Variants in FIG4 observed in about 807,000 individuals in gnomAD.
The protein encoded by FIG4 is FIG4 phosphoinositide 5-phosphatase.
FIG4 carries 112 observed loss-of-function variants against 118.6 expected under a neutral mutation model. The ratio of observed to expected loss-of-function variants is 0.94; its 90% CI spans 0.81 to 1.11. FIG4 has a LOEUF of 1.11. Among genes scored for constraint, FIG4 ranks in the 50% least tolerant of loss-of-function variants. FIG4 has a pLI of 0.00. For missense variants in FIG4, 969 were observed against 1,111.7 expected (o/e 0.87, Z 1.83); for synonymous variants, 369 against 381.2 (o/e 0.97, Z 0.37).
chr6:109,746,170 T>G (rs919182613), intron 10 of FIG4, among the ~76,000 whole-genome samples: 6 of 152,056 alleles, frequency 3.9e-5, no homozygotes, highest in Non-Finnish European at 7.4e-5. Context: ...AATAAATGGT[T>G]TTGGGAAAAC....
chr6:109,824,938 C>G (rs756427243), intron 22 of FIG4, 150 bp from the exon 23 acceptor site: 1 of 709,806 alleles, frequency 1.4e-6, no homozygotes, highest in Non-Finnish European at 2.5e-6. Context: ...GAACCAGCCT[C>G]GCAAGGACTG....
At chr6:109,751,835 CT>C (rs1219269078) in intron 10 of FIG4, among the ~76,000 whole-genome samples, 97 of 139,492 alleles carry the variant, frequency 7.0e-4, no homozygotes, top group South Asian at 6.7e-4. Context: ...TATTTTTTTT[CT>C]TTTTTTTTAT....
intron 1 of FIG4, among the ~76,000 whole-genome samples, chr6:109,704,651 G>T (rs112885933): frequency 7.3e-6 from 1 of 137,874 alleles, no homozygotes; most frequent in East Asian, 2.1e-4. Flanking sequence ...ACTCCAGCCT[G>T]GGTGACAGAG....
At chr6:109,764,936 T>TGTTTTTG in intron 13 of FIG4, 77 bp from the exon 14 acceptor site, 47 of 1,376,908 alleles carry the variant, frequency 3.4e-5, no homozygotes, top group Non-Finnish European at 4.5e-5. Flanking sequence ...TTTTTGTTTC[T>TGTTTTTG]TAAAGAAATC....
chr6:109,795,380 G>A (rs1778256960), intron 21 of FIG4, among the ~76,000 whole-genome samples: 1 of 151,882 alleles, frequency 6.6e-6, no homozygotes, highest in African/African-American at 2.4e-5. Context: ...TTTACTTGCT[G>A]AAGATATAAA....
At chr6:109,701,807 G>GATT (rs1410890484) in intron 1 of FIG4, 4 of 464,122 alleles carry the variant, frequency 8.6e-6, no homozygotes, top group Non-Finnish European at 1.3e-5. Context: ...GTTGACTAAG[G>GATT]ATTGGAAAAG....
chr6:109,743,832 A>C, intron 10 of FIG4, 60 bp downstream of exon 10: 1 of 1,173,222 alleles, frequency 8.5e-7, no homozygotes, highest in Admixed American at 1.7e-5. Flanking sequence ...CCTCTTCCTC[A>C]ACACAGAGGG....
At chr6:109,704,218 A>G (rs188256706) in intron 1 of FIG4, among the ~76,000 whole-genome samples, 230 of 152,360 alleles carry the variant, frequency 1.5e-3, no homozygotes, top group Non-Finnish European at 2.7e-3. Flanking sequence ...CCCATCTACC[A>G]GTAAGTTATA....
chr6:109,756,470 C>G (rs937114676), intron 10 of FIG4, among the ~76,000 whole-genome samples: 2 of 151,852 alleles, frequency 1.3e-5, no homozygotes, highest in African/African-American at 4.8e-5. Context: ...TTTCCTGAAT[C>G]TGAATGTTGG....
At chr6:109,714,991 G>A (rs1775382989) in intron 1 of FIG4, 87 bp from the exon 2 acceptor site, 13 of 694,918 alleles carry the variant, frequency 1.9e-5, no homozygotes, top group Non-Finnish European at 5.1e-6. Context: ...CTTTATTAAT[G>A]TATTTAATTT....
intron 4 of FIG4, among the ~76,000 whole-genome samples, chr6:109,731,728 A>G (rs934755229): frequency 2.0e-5 from 3 of 152,174 alleles, no homozygotes; most frequent in African/African-American, 4.8e-5. Flanking sequence ...TGCAAATACT[A>G]TGCCATTTTA....
chr6:109,744,633 A>C (rs1396960828), intron 10 of FIG4, among the ~76,000 whole-genome samples: 1 of 151,876 alleles, frequency 6.6e-6, no homozygotes, highest in Non-Finnish European at 1.5e-5. Context: ...TCAGTCATTT[A>C]TTTTTATTTA....
intron 3 of FIG4, among the ~76,000 whole-genome samples, chr6:109,724,374 G>A (rs145169083): frequency 3.3e-5 from 5 of 152,254 alleles, no homozygotes; most frequent in Admixed American, 2.0e-4. Flanking sequence ...TTAGACCTCC[G>A]TTCAGCTGTG....
chr6:109,781,779 T>TTTTTTTTTTTTTTTTTTTTTGAGACGG (rs1554307140), intron 16 of FIG4, among the ~76,000 whole-genome samples: 5 of 145,864 alleles, frequency 3.4e-5, no homozygotes, highest in African/African-American at 7.3e-5. Flanking sequence ...TCTTCAGATT[T>TTTTTTTTTTTTTTTTTTTTTGAGACGG]AATCAGTTGA....
At chr6:109,803,142 C>T (rs1778468997) in intron 22 of FIG4, among the ~76,000 whole-genome samples, 2 of 152,070 alleles carry the variant, frequency 1.3e-5, no homozygotes, top group Admixed American at 1.3e-4. Flanking sequence ...TTGCCTTTAT[C>T]CTAAAAGCTC....
intron 13 of FIG4, 104 bp downstream of exon 13, chr6:109,764,086 G>C: frequency 2.7e-6 from 2 of 745,708 alleles, no homozygotes; most frequent in South Asian, 3.2e-5. Flanking sequence ...ATTTAATGCA[G>C]AATTATTATT....
At chr6:109,729,392 G>A (rs1562649680) in intron 4 of FIG4, among the ~76,000 whole-genome samples, 1 of 152,072 alleles carries the variant, frequency 6.6e-6, no homozygotes, top group African/African-American at 2.4e-5. Flanking sequence ...AACTTTAAAA[G>A]CATTACTTTT....
intron 1 of FIG4, among the ~76,000 whole-genome samples, chr6:109,705,407 C>T (rs1775035155): frequency 6.6e-6 from 1 of 152,172 alleles, no homozygotes; most frequent in African/African-American, 2.4e-5. Context: ...TTTTCTTTCC[C>T]TCATAACTGG....
chr6:109,791,028 T>C (rs1778120327), intron 19 of FIG4, among the ~76,000 whole-genome samples: 1 of 152,224 alleles, frequency 6.6e-6, no homozygotes, highest in Non-Finnish European at 1.5e-5. Context: ...ATTTTAATAA[T>C]ATCCCAAACA....
Sources: gnomAD v4.1 joint callset for allele counts (sites outside exome capture counted in the v4.1 genomes callset) on GRCh38, gnomAD v4.1.1 for gene constraint, MANE v1.5 for transcripts, NCBI Gene and HGNC (gene_info 2026-07-23, HGNC 2026-07-21) for gene names.